AKT3: variants seen among roughly 807,000 people sequenced by gnomAD.
The protein encoded by AKT3 is RAC-gamma serine/threonine-protein kinase.
A neutral mutation model predicts 65.3 loss-of-function variants in AKT3; 15 were observed. The observed-to-expected ratio is 0.23, with a 90% CI of 0.15 to 0.35. The LOEUF is 0.35. AKT3 is among the 10% of genes least tolerant of loss of function. The probability of loss-of-function intolerance (pLI) is 1.00; values close to 1 mark genes in which losing one functional copy is unlikely to be tolerated. For missense variants in AKT3, 243 were observed against 576.5 expected (o/e 0.42, Z 5.92); for synonymous variants, 206 against 183.8 (o/e 1.12, Z -0.98).
chr1:243,785,492 T>G (rs1390520842), intron 2 of AKT3, among the ~76,000 whole-genome samples: 1 of 152,148 alleles, frequency 6.6e-6, no homozygotes, highest in East Asian at 1.9e-4. Context: ...AGAACTAAAG[T>G]TTCAGCTTCA....
At chr1:243,724,486 A>T (rs917566269) in intron 2 of AKT3, among the ~76,000 whole-genome samples, 3 of 152,128 alleles carry the variant, frequency 2.0e-5, no homozygotes, top group Non-Finnish European at 2.9e-5. Context: ...AAAGTAAGGA[A>T]TTTTTTCCTA....
At chr1:243,632,368 A>T (rs147922713) in intron 6 of AKT3, among the ~76,000 whole-genome samples, 1 of 152,212 alleles carries the variant, frequency 6.6e-6, no homozygotes, top group Admixed American at 6.5e-5. Context: ...TGCATTGTCA[A>T]TGAGCAGTAA....
At chr1:243,682,645 A>AT (rs1684004037) in intron 3 of AKT3, among the ~76,000 whole-genome samples, 3 of 152,034 alleles carry the variant, frequency 2.0e-5, no homozygotes, top group Admixed American at 2.0e-4. Flanking sequence ...CTCATTTGAT[A>AT]TTTTTCACTC....
At chr1:243,751,616 G>A (rs1272269536) in intron 2 of AKT3, among the ~76,000 whole-genome samples, 3 of 152,068 alleles carry the variant, frequency 2.0e-5, no homozygotes, top group African/African-American at 7.2e-5. Context: ...GTGGGGAGAG[G>A]GGCACTTTGA....
chr1:243,583,203 C>CACAA (rs1675532509), intron 8 of AKT3, among the ~76,000 whole-genome samples: 1 of 138,084 alleles, frequency 7.2e-6, no homozygotes, highest in African/African-American at 2.9e-5. Context: ...TATACACACA[C>CACAA]ACACACACAC....
At chr1:243,745,626 C>G (rs1435002001) in intron 2 of AKT3, among the ~76,000 whole-genome samples, 1 of 152,198 alleles carries the variant, frequency 6.6e-6, no homozygotes, top group Non-Finnish European at 1.5e-5. Flanking sequence ...AGGCCACATG[C>G]AGCCCAGAAC....
chr1:243,507,539 G>A (rs1039229391), intron 13 of AKT3, among the ~76,000 whole-genome samples: 2 of 152,214 alleles, frequency 1.3e-5, no homozygotes, highest in Non-Finnish European at 2.9e-5. Context: ...TGCGGTGGGA[G>A]GGGAGCTGGA....
chr1:243,534,032 C>T (rs1003269196), intron 12 of AKT3, among the ~76,000 whole-genome samples: 10 of 151,976 alleles, frequency 6.6e-5, no homozygotes, highest in African/African-American at 2.4e-4. Flanking sequence ...AGAAATCCAA[C>T]TGTATCAATT....
chr1:243,723,236 G>A (rs934851002), intron 2 of AKT3, among the ~76,000 whole-genome samples: 2 of 152,116 alleles, frequency 1.3e-5, no homozygotes. Context: ...TCCACCAACT[G>A]TCAAGATAAC....
chr1:243,489,249 G>A (rs1476546725), intron 13 of AKT3: 1 of 1,429,318 alleles, frequency 7.0e-7, no homozygotes, highest in Non-Finnish European at 9.5e-7. Flanking sequence ...TCGGTTAGCA[G>A]TAAGCTGGGA....
intron 2 of AKT3, among the ~76,000 whole-genome samples, chr1:243,836,471 A>G (rs75504282): frequency 6.9e-6 from 1 of 145,164 alleles, no homozygotes; most frequent in Non-Finnish European, 1.5e-5. Context: ...GAACTAGAGG[A>G]AAAAAAAAAA....
intron 2 of AKT3, among the ~76,000 whole-genome samples, chr1:243,815,955 A>G (rs1402049335): frequency 6.6e-6 from 1 of 152,140 alleles, no homozygotes; most frequent in Non-Finnish European, 1.5e-5. Flanking sequence ...TACCCCCAAA[A>G]TTAGTATTTT....
chr1:243,659,072 G>A (rs1018505087), intron 4 of AKT3, among the ~76,000 whole-genome samples: 1 of 151,854 alleles, frequency 6.6e-6, no homozygotes, highest in East Asian at 1.9e-4. Context: ...TACATACAAT[G>A]GAATATTATT....
intron 9 of AKT3, among the ~76,000 whole-genome samples, chr1:243,568,440 A>G (rs76109107): frequency 7.0e-6 from 1 of 142,824 alleles, no homozygotes; most frequent in Admixed American, 7.4e-5. Context: ...GAGGAGAGAG[A>G]AAAAAAAAAA....
intron 2 of AKT3, among the ~76,000 whole-genome samples, chr1:243,824,549 C>T (rs1055207896): frequency 6.6e-6 from 1 of 151,674 alleles, no homozygotes; most frequent in African/African-American, 2.4e-5. Flanking sequence ...AGACCTTAAA[C>T]AAATTTTCAA....
At chr1:243,544,089 G>A (rs186857747) in intron 12 of AKT3, among the ~76,000 whole-genome samples, 1 of 151,958 alleles carries the variant, frequency 6.6e-6, no homozygotes, top group Admixed American at 6.5e-5. Context: ...ATGAAATGTT[G>A]GAATAAACTG....
intron 8 of AKT3, chr1:243,613,096 C>CAT (rs1377452174): frequency 2.2e-5 from 3 of 138,802 alleles, no homozygotes; most frequent in Non-Finnish European, 4.7e-5. Context: ...CACACACACA[C>CAT]ACACATATAT....
At chr1:243,724,806 G>A (rs1471233975) in intron 2 of AKT3, among the ~76,000 whole-genome samples, 2 of 151,926 alleles carry the variant, frequency 1.3e-5, no homozygotes, top group Non-Finnish European at 2.9e-5. Context: ...TCAGATCTCT[G>A]GCCAACAAAA....
chr1:243,594,771 G>C (rs1337575537), intron 8 of AKT3, among the ~76,000 whole-genome samples: 2 of 152,066 alleles, frequency 1.3e-5, no homozygotes, highest in African/African-American at 2.4e-5. Context: ...GTAGAGACAG[G>C]GTCCTGCTGT....
Sources: gnomAD v4.1 joint callset for allele counts (sites outside exome capture counted in the v4.1 genomes callset) on GRCh38, gnomAD v4.1.1 for gene constraint, MANE v1.5 for transcripts, NCBI Gene and HGNC (gene_info 2026-07-23, HGNC 2026-07-21) for gene names.